The following LRP1B variants were observed in gnomAD, a reference collection of about 807,000 sequenced individuals.
LRP1B encodes low-density lipoprotein receptor-related protein 1B.
In LRP1B, 217 loss-of-function variants were observed where a neutral mutation model predicts 556.6. The ratio of observed to expected loss-of-function variants is 0.39; its 90% confidence interval spans 0.35 to 0.44. The LOEUF (loss-of-function observed/expected upper bound fraction) is 0.44. Among genes scored for constraint, LRP1B ranks in the 20% least tolerant of loss-of-function variants. LRP1B has a pLI of 1.00. For synonymous variants in LRP1B, 2,047 were observed against 1,865.8 expected, an observed-to-expected ratio of 1.10 and a Z score of -2.50; for missense variants, 5,053 against 5,620.8, an observed-to-expected ratio of 0.90 and a Z score of 3.23.
At chr2:141,313,106 C>T (rs1686874210) in intron 3 of LRP1B, among the ~76,000 whole-genome samples, 1 of 152,084 alleles carries the variant, frequency 6.6e-6, no homozygotes, top group Admixed American at 6.6e-5. Flanking sequence ...AGAGTTTAAT[C>T]ATTAAAATAG....
chr2:140,265,319 A>T (rs1402983128), intron 86 of LRP1B, among the ~76,000 whole-genome samples: 1 of 152,132 alleles, frequency 6.6e-6, no homozygotes, highest in East Asian at 1.9e-4. Flanking sequence ...TATTCAATGT[A>T]TCTACTTTAA....
chr2:141,005,857 G>C (rs1256641009), intron 14 of LRP1B, among the ~76,000 whole-genome samples: 2 of 151,998 alleles, frequency 1.3e-5, no homozygotes, highest in African/African-American at 4.8e-5. Context: ...TGAGGGTTGG[G>C]AGCAAGGGTA....
chr2:141,601,477 T>A (rs1312482125), intron 2 of LRP1B, among the ~76,000 whole-genome samples: 6 of 152,208 alleles, frequency 3.9e-5, no homozygotes, highest in Non-Finnish European at 2.9e-5. Context: ...AGGTGACTTT[T>A]AGACCACAAA....
intron 2 of LRP1B, among the ~76,000 whole-genome samples, chr2:141,560,745 T>C (rs951208468): frequency 3.3e-5 from 5 of 151,658 alleles, no homozygotes; most frequent in Admixed American, 1.3e-4. Context: ...GGAGGTTTTA[T>C]AGAAAACTCC....
At chr2:141,831,106 T>G (rs1697099033) in intron 1 of LRP1B, among the ~76,000 whole-genome samples, 1 of 151,780 alleles carries the variant, frequency 6.6e-6, no homozygotes, top group Non-Finnish European at 1.5e-5. Flanking sequence ...TTATCTTGCC[T>G]TTGAGCAACT....
At chr2:140,517,152 TCAA>T in intron 49 of LRP1B, 141 bp from the exon 50 acceptor site, 1 of 637,270 alleles carries the variant, frequency 1.6e-6, no homozygotes, top group Non-Finnish European at 2.7e-6. Flanking sequence ...CTAAAGAATG[TCAA>T]GGTTATGAAA....
intron 55 of LRP1B, among the ~76,000 whole-genome samples, chr2:140,496,479 T>C (rs1345476958): frequency 2.6e-5 from 4 of 152,154 alleles, no homozygotes; most frequent in Non-Finnish European, 4.4e-5. Flanking sequence ...GTAGATGTTT[T>C]TTATCTTAAT....
intron 79 of LRP1B, among the ~76,000 whole-genome samples, chr2:140,331,282 G>T (rs1680798652): frequency 6.6e-6 from 1 of 152,094 alleles, no homozygotes; most frequent in Non-Finnish European, 1.5e-5. Flanking sequence ...GGACGTGGAT[G>T]CAGCTTGAAG....
intron 7 of LRP1B, among the ~76,000 whole-genome samples, chr2:141,131,899 T>A (rs1398491257): frequency 6.6e-6 from 1 of 152,016 alleles, no homozygotes; most frequent in Non-Finnish European, 1.5e-5. Context: ...GAGTAAGTTC[T>A]TTAGTGGTGA....
intron 11 of LRP1B, among the ~76,000 whole-genome samples, chr2:141,048,072 A>T (rs895144267): frequency 6.6e-6 from 1 of 152,076 alleles, no homozygotes; most frequent in Admixed American, 6.6e-5. Context: ...TAGATTATGA[A>T]CCCCTTGAAG....
chr2:141,832,325 TCTCA>T lies in LRP1B; in HGVS notation c.83-21928_83-21925del, dbSNP rs1380327627. On this transcript the variant is annotated intron_variant, in intron 1 of 90. Transcript: ENST00000389484. ...GCAATAATTATCCTATCTCTTTCTC[TCTCA>T]CACACACACACACACACACACACAC... is the stretch of plus-strand genomic sequence containing the variant. 5.4e-4 allele frequency among the ~76,000 whole-genome samples: 47 copies of T among 86,364 alleles called. 1 individual carries two copies. Among genetic ancestry groups the T allele is most frequent in the African/African-American group, 1.3e-3 (25 of 19,768 alleles). 56.7% of individuals were successfully genotyped at this position (86,364 alleles called of 152,430 possible).
chr2:141,345,495 G>A (rs1489645609), intron 3 of LRP1B, among the ~76,000 whole-genome samples: 1 of 149,916 alleles, frequency 6.7e-6, no homozygotes, highest in East Asian at 2.0e-4. Flanking sequence ...TTTTTGTTTT[G>A]CTTTGTTTAG....
At chr2:141,909,672 A>C (rs1331798387) in intron 1 of LRP1B, among the ~76,000 whole-genome samples, 1 of 151,796 alleles carries the variant, frequency 6.6e-6, no homozygotes, top group Non-Finnish European at 1.5e-5. Flanking sequence ...GAACCACAGC[A>C]GTAGCAAGAC....
chr2:140,695,572 T>C (rs1371310125), intron 41 of LRP1B, among the ~76,000 whole-genome samples: 1 of 152,216 alleles, frequency 6.6e-6, no homozygotes, highest in Non-Finnish European at 1.5e-5. Flanking sequence ...CTGTTCTGTT[T>C]ATCACTCAAA....
chr2:142,023,414 C>A (rs1056354258), intron 1 of LRP1B, among the ~76,000 whole-genome samples: 5 of 152,066 alleles, frequency 3.3e-5, no homozygotes, highest in Non-Finnish European at 7.4e-5. Flanking sequence ...TATATTTTTT[C>A]TTTTTAAATA....
intron 2 of LRP1B, among the ~76,000 whole-genome samples, chr2:141,585,377 T>C (rs1189720332): frequency 1.3e-5 from 2 of 151,602 alleles, no homozygotes; most frequent in Non-Finnish European, 2.9e-5. Flanking sequence ...CTCATGTTAG[T>C]AGGCAACAAA....
intron 71 of LRP1B, among the ~76,000 whole-genome samples, chr2:140,367,518 T>G (rs1185195257): frequency 6.6e-6 from 1 of 151,842 alleles, no homozygotes; most frequent in Non-Finnish European, 1.5e-5. Flanking sequence ...TCTCTCAAAC[T>G]TCTGCAATGC....
intron 3 of LRP1B, among the ~76,000 whole-genome samples, chr2:141,472,652 A>C (rs967843844): frequency 1.3e-5 from 2 of 152,230 alleles, no homozygotes; most frequent in Non-Finnish European, 2.9e-5. Context: ...AGCTGTGATA[A>C]AAAATTATAG....
intron 1 of LRP1B, among the ~76,000 whole-genome samples, chr2:141,993,255 T>A (rs1702395331): frequency 6.6e-6 from 1 of 152,114 alleles, no homozygotes; most frequent in Non-Finnish European, 1.5e-5. Flanking sequence ...GCTAAACTGC[T>A]AATTATAGGA....
Sources: allele counts gnomAD v4.1 joint callset (sites outside exome capture counted in the v4.1 genomes callset), GRCh38; gene constraint gnomAD v4.1.1; transcripts MANE v1.5; gene names NCBI Gene and HGNC (gene_info 2026-07-23, HGNC 2026-07-21).